ARNT2: variants seen among roughly 807,000 people sequenced by gnomAD.
ARNT2 encodes aryl hydrocarbon receptor nuclear translocator 2.
Under a neutral mutation model 91.7 loss-of-function variants are expected in ARNT2, and 36 were observed. The observed-to-expected ratio is 0.39, with a 90% CI of 0.30 to 0.52. ARNT2 has a LOEUF of 0.52. ARNT2 is among the 20% of genes least tolerant of loss of function. The pLI, the probability that ARNT2 is intolerant of heterozygous loss-of-function variation, is 0.72. For synonymous variants in ARNT2, 365 were observed against 347.1 expected (o/e 1.05, Z -0.57); for missense variants, 775 against 939.3 (o/e 0.83, Z 2.29).
At position 80,563,246 on chromosome 15, in the gene ARNT2, A is replaced by G. The variant is rs367632725; in HGVS notation, c.1316+7A>G. On this transcript the variant is annotated splice_region_variant and intron_variant, in intron 12 of 18. Transcript: ENST00000303329. ...GCACCAACACCAACGTCAAGTACGT[A>G]CACTGCCATTTCCCTCTCCTGGAAT... 112 of 1,613,988 alleles carry G rather than the reference A, an allele frequency of 6.9e-5. No individual in the cohort carries two copies. Among genetic ancestry groups the G allele is most frequent in the Non-Finnish European group, 9.0e-5 (106 of 1,179,972 alleles).
intron 3 of ARNT2, among the ~76,000 whole-genome samples, chr15:80,460,361 G>C (rs1896534427): frequency 6.6e-6 from 1 of 152,192 alleles, no homozygotes; most frequent in Non-Finnish European, 1.5e-5. Flanking sequence ...TCCTACTTTA[G>C]CACAGCCAGG....
intron 8 of ARNT2, among the ~76,000 whole-genome samples, chr15:80,531,563 C>T (rs1328128892): frequency 6.6e-6 from 1 of 152,238 alleles, no homozygotes; most frequent in African/African-American, 2.4e-5. Flanking sequence ...TCCTTCTGGT[C>T]CTGGCATCCA....
intron 1 of ARNT2, among the ~76,000 whole-genome samples, chr15:80,440,810 G>A (rs556388862): frequency 6.6e-6 from 1 of 152,344 alleles, no homozygotes; most frequent in East Asian, 1.9e-4. Context: ...AGAGACCTTG[G>A]CCCAGCCTGC....
rs2091320578 is a variant in ARNT2 at position 80,593,817 on chromosome 15, A to T, written c.*119A>T. ...TGCCGCAGGCCCCCCACCAGAAGCC[A>T]TCTCCCCCGCTGTGTGTCCCCAGGC... On this transcript the variant is annotated 3_prime_UTR_variant, in exon 19 of 19. Coordinates refer to ENST00000303329, the MANE Select transcript of ARNT2 (RefSeq NM_014862.4). 3 of 905,072 alleles carry T rather than the reference A, an allele frequency of 3.3e-6. No homozygotes were observed. Among genetic ancestry groups the T allele is most frequent in the African/African-American group, 3.3e-5 (2 of 60,698 alleles). 56.1% of individuals were successfully genotyped at this position (905,072 alleles called of 1,614,324 possible).
intron 2 of ARNT2, among the ~76,000 whole-genome samples, chr15:80,454,169 G>A (rs946001688): frequency 2.0e-5 from 3 of 152,190 alleles, no homozygotes; most frequent in African/African-American, 7.2e-5. Flanking sequence ...TTCCACATGC[G>A]TGGGAGAAAT....
intron 12 of ARNT2, among the ~76,000 whole-genome samples, chr15:80,566,378 T>A (rs1898482956): frequency 6.6e-6 from 1 of 152,218 alleles, no homozygotes; most frequent in South Asian, 2.1e-4. Context: ...ATTTCTGGCA[T>A]CTAGCAGAGG....
At position 80,580,550 on chromosome 15, in the gene ARNT2, G is replaced by A; in HGVS notation, c.1752+1G>A. On this transcript the variant is annotated splice_donor_variant, in intron 16 of 18. Transcript: ENST00000303329. LOFTEE classifies it high-confidence loss of function. ...GAGTCGTCCGCCCTTTCCGGGACAG[G>A]TATGGGCATCTGTGAGGGCATCTCC... The A allele has an allele frequency of 6.2e-7, 1 of 1,613,894 alleles. No homozygotes were observed. The highest frequency in any genetic ancestry group is 8.5e-7 in the Non-Finnish European group (1 of 1,180,010).
intron 5 of ARNT2, among the ~76,000 whole-genome samples, chr15:80,487,239 G>A (rs1046455539): frequency 6.6e-6 from 1 of 152,138 alleles, no homozygotes; most frequent in African/African-American, 2.4e-5. Flanking sequence ...ATCCTCTCAT[G>A]CCTGAGTCCT....
intron 5 of ARNT2, among the ~76,000 whole-genome samples, chr15:80,493,806 G>A (rs1178219101): frequency 6.6e-6 from 1 of 152,176 alleles, no homozygotes; most frequent in African/African-American, 2.4e-5. Context: ...TGGAGATGGG[G>A]CCTGGTGGGA....
intron 1 of ARNT2, among the ~76,000 whole-genome samples, chr15:80,414,380 G>A (rs1197044824): frequency 1.3e-5 from 2 of 152,132 alleles, no homozygotes; most frequent in Non-Finnish European, 2.9e-5. Flanking sequence ...TCTGGTCTAT[G>A]GGAACAAAAC....
chr15:80,586,829 A>C (rs1893180787), intron 17 of ARNT2, among the ~76,000 whole-genome samples: 1 of 146,442 alleles, frequency 6.8e-6, no homozygotes, highest in South Asian at 2.1e-4. Flanking sequence ...TGACAGAGGA[A>C]GACTCCATTT....
chr15:80,492,420 C>T (rs759660158), intron 5 of ARNT2, among the ~76,000 whole-genome samples: 1 of 152,144 alleles, frequency 6.6e-6, no homozygotes, highest in Non-Finnish European at 1.5e-5. Context: ...TCCAGTCTCT[C>T]GGGGTCCTTC....
intron 2 of ARNT2, among the ~76,000 whole-genome samples, chr15:80,457,159 A>C (rs950248924): frequency 3.3e-5 from 5 of 152,150 alleles, no homozygotes; most frequent in Non-Finnish European, 7.4e-5. Context: ...ATTTTTTGAG[A>C]AGAGTTTGAG....
intron 8 of ARNT2, among the ~76,000 whole-genome samples, chr15:80,521,365 G>T (rs1252576551): frequency 1.3e-5 from 2 of 151,824 alleles, no homozygotes; most frequent in East Asian, 1.9e-4. Context: ...AAAAATTGTG[G>T]TACACAAAAT....
intron 5 of ARNT2, 24 bp from the exon 6 acceptor site, chr15:80,508,132 T>C (rs1024191696): frequency 1.2e-6 from 2 of 1,612,484 alleles, no homozygotes; most frequent in South Asian, 2.2e-5. Context: ...GAGGCTTACG[T>C]AACTGTCCTT....
chr15:80,464,045 A>G (rs1281503644), intron 3 of ARNT2, among the ~76,000 whole-genome samples: 1 of 152,200 alleles, frequency 6.6e-6, no homozygotes, highest in Non-Finnish European at 1.5e-5. Flanking sequence ...GAGAGGAGGA[A>G]ATCACTTCTG....
rs1394409643 is a variant in ARNT2 at position 80,451,010 on chromosome 15, G to A, written c.146+16G>A. ...GGCGTTCCGGGTAAGCGACCTCAGCGTTTCCAGGAATTGGCTTAATAAATG... is the reference window on the plus strand; with the variant it reads ...GGCGTTCCGGGTAAGCGACCTCAGCATTTCCAGGAATTGGCTTAATAAATG... On this transcript the variant is annotated intron_variant, in intron 2 of 18. Coordinates refer to ENST00000303329, the MANE Select transcript of ARNT2 (RefSeq NM_014862.4). The A allele has an allele frequency of 1.4e-5, 22 of 1,607,838 alleles. No individual in the cohort carries two copies. Among genetic ancestry groups the A allele is most frequent in the Non-Finnish European group, 1.8e-5 (21 of 1,175,894 alleles).
At chr15:80,576,489 C>T (rs1433573501) in intron 14 of ARNT2, among the ~76,000 whole-genome samples, 1 of 152,142 alleles carries the variant, frequency 6.6e-6, no homozygotes, top group Non-Finnish European at 1.5e-5. Flanking sequence ...GTTGGCCAGG[C>T]TGGTTTTGAA....
intron 6 of ARNT2, 99 bp from the exon 7 acceptor site, chr15:80,513,812 G>C: frequency 1.0e-6 from 1 of 991,916 alleles, no homozygotes. Flanking sequence ...GAATAAATGT[G>C]TAAGCATCAA....
Sources: gnomAD v4.1 joint callset for allele counts (sites outside exome capture counted in the v4.1 genomes callset) on GRCh38, gnomAD v4.1.1 for gene constraint, MANE v1.5 for transcripts, NCBI Gene and HGNC (gene_info 2026-07-23, HGNC 2026-07-21) for gene names.